Variants in FEZ1 observed in about 807,000 individuals in gnomAD.
FEZ1 encodes the protein fasciculation and elongation protein zeta 1.
A neutral mutation model predicts 49.3 loss-of-function variants in FEZ1; 20 were observed. The observed-to-expected ratio is 0.41, with a 90% CI of 0.29 to 0.59. The LOEUF is 0.59. Among genes scored for constraint, FEZ1 ranks in the 20% least tolerant of loss-of-function variants. The pLI is 0.36. For synonymous variants in FEZ1, 170 were observed against 180.9 expected, an observed-to-expected ratio of 0.94 and a Z score of 0.48; for missense variants, 413 against 476.0, an observed-to-expected ratio of 0.87 and a Z score of 1.23.
In FEZ1 at chr11:125,448,500, A is replaced by G. The variant is rs1956918005; in HGVS notation, c.1162+2T>C. On this transcript the variant is annotated splice_donor_variant, in intron 9 of 9. Transcript: ENST00000278919. LOFTEE classifies it high-confidence loss of function. ...CTCCAGGAGGCCTGGGGCTGCTCTTACCTTTTAAAATGTAGTCCGTTAGCA... is the reference window on the plus strand; with the variant it reads ...CTCCAGGAGGCCTGGGGCTGCTCTTGCCTTTTAAAATGTAGTCCGTTAGCA... 6.2e-7 allele frequency: 1 copy of G among 1,605,016 alleles called. No homozygotes were observed. The highest frequency in any genetic ancestry group is 8.5e-7 in the Non-Finnish European group (1 of 1,171,748).
chr11:125,480,545 T>A (rs1313592974), intron 3 of FEZ1, among the ~76,000 whole-genome samples: 1 of 152,218 alleles, frequency 6.6e-6, no homozygotes, highest in African/African-American at 2.4e-5. Context: ...CTAATTTTTT[T>A]AAACCATCAT....
intron 8 of FEZ1, among the ~76,000 whole-genome samples, chr11:125,450,937 C>T (rs1956949006): frequency 6.6e-6 from 1 of 152,036 alleles, no homozygotes; most frequent in East Asian, 1.9e-4. Flanking sequence ...TGGATATACT[C>T]TAGCTATAAT....
intron 5 of FEZ1, among the ~76,000 whole-genome samples, chr11:125,459,398 C>G (rs1957051370): frequency 6.6e-6 from 1 of 151,948 alleles, no homozygotes; most frequent in Non-Finnish European, 1.5e-5. Context: ...TTGAGAACAG[C>G]CTGGCCAACG....
At chr11:125,458,103 ACT>A (rs1343960182) in intron 5 of FEZ1, among the ~76,000 whole-genome samples, 2 of 152,044 alleles carry the variant, frequency 1.3e-5, no homozygotes, top group Non-Finnish European at 2.9e-5. Context: ...CACCGAGCAG[ACT>A]CTCTGCCGGC....
chr11:125,493,137 G>T (rs1478437282), intron 1 of FEZ1, among the ~76,000 whole-genome samples: 1 of 150,236 alleles, frequency 6.7e-6, no homozygotes, highest in Non-Finnish European at 1.5e-5. Context: ...GACCAGCCTG[G>T]CCAACATGGC....
intron 3 of FEZ1, among the ~76,000 whole-genome samples, chr11:125,469,970 C>T (rs1196483509): frequency 6.6e-6 from 1 of 152,056 alleles, no homozygotes; most frequent in Non-Finnish European, 1.5e-5. Context: ...CTGCCTTGTC[C>T]TCCCAAAGTG....
chr11:125,457,492 G>GTATA (rs745548707), intron 5 of FEZ1, among the ~76,000 whole-genome samples: 3 of 28,442 alleles, frequency 1.1e-4, no homozygotes, highest in Non-Finnish European at 2.4e-4. Flanking sequence ...ACATATATGT[G>GTATA]TATATATGTA....
At chr11:125,480,028 C>T (rs12279556) in intron 3 of FEZ1, among the ~76,000 whole-genome samples, 1,766 of 152,252 alleles carry the variant, frequency 0.012, 32 homozygotes, top group African/African-American at 0.031. Flanking sequence ...GAGTCAGTAA[C>T]TCATGGAGTG....
intron 6 of FEZ1, 124 bp from the exon 7 acceptor site, chr11:125,454,334 T>A: frequency 1.6e-6 from 1 of 611,276 alleles, no homozygotes; most frequent in Non-Finnish European, 2.9e-6. Context: ...AGACAGTAAG[T>A]GTAAGACACT....
chr11:125,470,082 C>A (rs1239034200), intron 3 of FEZ1, among the ~76,000 whole-genome samples: 1 of 152,080 alleles, frequency 6.6e-6, no homozygotes, highest in Non-Finnish European at 1.5e-5. Context: ...TAGCCCCCAA[C>A]ATGAAAGATG....
chr11:125,465,044 A>G (rs1231345168), intron 3 of FEZ1, among the ~76,000 whole-genome samples: 3 of 152,244 alleles, frequency 2.0e-5, no homozygotes, highest in African/African-American at 4.8e-5. Flanking sequence ...GAGAACGAAG[A>G]TACATTTTTT....
In FEZ1 at chr11:125,445,378, G is replaced by C. The variant is rs1435354933; in HGVS notation, c.*717C>G. Among the ~76,000 whole-genome samples the C allele has an allele frequency of 6.6e-6, 1 of 152,210 alleles. No individual in the cohort carries two copies. The highest frequency in any genetic ancestry group is 1.5e-5 in the Non-Finnish European group (1 of 68,024). On this transcript the variant is annotated 3_prime_UTR_variant, in exon 10 of 10. Transcript: ENST00000278919. The surrounding 1 kb of genome is among the most constrained non-coding windows in gnomAD (Gnocchi z 4.4). Reference sequence around the variant, plus strand: ...GGGGAGGGTCTCCAGGGCCAGCCTGGCCATCCCACCAGGAGATCTGCAGCT... The same window carrying C: ...GGGGAGGGTCTCCAGGGCCAGCCTGCCCATCCCACCAGGAGATCTGCAGCT...
chr11:125,456,051 A>T lies in FEZ1; in HGVS notation c.723T>A (p.Gly241=), dbSNP rs765963989. Residue 241 remains glycine, a synonymous_variant, in exon 6 of 10, where the codon GGT becomes GGA. Transcript: ENST00000278919. The part of the protein sequence containing the change: ...ELTELLDQVE[G]AIRDFSEELV... ...GCTCCTCCGAGAAGTCACGGATGGC[A>T]CCCTCCACCTGGTCCAGCAGCTCGG... 3 of 1,610,292 alleles carry T rather than the reference A, an allele frequency of 1.9e-6. No individual in the cohort carries two copies. Among genetic ancestry groups the T allele is most frequent in the Non-Finnish European group, 8.5e-7 (1 of 1,179,040 alleles).
chr11:125,444,277 G>A lies in FEZ1; in HGVS notation c.*1818C>T, dbSNP rs1956877647. 6.6e-6 allele frequency among the ~76,000 whole-genome samples: 1 copy of A among 152,286 alleles called. No individual in the cohort carries two copies. Among genetic ancestry groups the A allele is most frequent in the African/African-American group, 2.4e-5 (1 of 41,554 alleles). On this transcript the variant is annotated 3_prime_UTR_variant, in exon 10 of 10. Transcript: ENST00000278919. ...GCCACCCCTAGCTAAGATTGCTAGT[G>A]TTCTGCTTCTGGAAAAGCAGAAGCC...
rs540681012 is a variant in FEZ1, at chr11:125,454,387, G to A, written c.940-177C>T. 8.6e-6 allele frequency: 4 copies of A among 466,368 alleles called. No individual in the cohort carries two copies. The East Asian group carries it at 1.4e-4, about 16-fold the overall frequency. 28.9% of individuals were successfully genotyped at this position (466,368 alleles called of 1,614,324 possible). A position where few individuals can be genotyped will look rare whatever the true frequency, so the allele number is the denominator to read the frequency against. On this transcript the variant is annotated intron_variant, in intron 6 of 9. Transcript: ENST00000278919. The stretch of plus-strand genomic sequence containing the variant: ...CAGAATTGAAGCCTGAGCTTTGCAA[G>A]AATAAACAGAGTCTCAAGAACTCTT...
In FEZ1 at chr11:125,446,088, G is replaced by C; in HGVS notation, c.*7C>G. 1 of 1,613,972 alleles carries C rather than the reference G, an allele frequency of 6.2e-7. No homozygotes were observed. The highest frequency in any genetic ancestry group is 8.5e-7 in the Non-Finnish European group (1 of 1,179,878). ...CTCCTGCAGCGAGGCTGCTCCAAAG[G>C]GCAAGGTTAGGTAGGGCAGAGCACT... is the stretch of plus-strand genomic sequence containing the variant. On this transcript the variant is annotated 3_prime_UTR_variant, in exon 10 of 10. Transcript: ENST00000278919.
Position 125,454,227 on chromosome 11 carries a change from C to G in FEZ1, c.940-17G>C. 1 of 1,606,474 alleles carries G rather than the reference C, an allele frequency of 6.2e-7. No individual in the cohort carries two copies. The highest frequency in any genetic ancestry group is 8.5e-7 in the Non-Finnish European group (1 of 1,174,212). Reference sequence around the variant, plus strand: ...GCTGAAGCGCTGTGGGGGAGAGAGACTCAAGAAGGGCAAATGCTTCTTGCT... The same window carrying G: ...GCTGAAGCGCTGTGGGGGAGAGAGAGTCAAGAAGGGCAAATGCTTCTTGCT... On this transcript the variant is annotated splice_polypyrimidine_tract_variant and intron_variant, in intron 6 of 9. Coordinates refer to ENST00000278919, the MANE Select transcript of FEZ1 (RefSeq NM_005103.5).
chr11:125,473,187 GAC>G (rs941484175), intron 3 of FEZ1, among the ~76,000 whole-genome samples: 1 of 152,020 alleles, frequency 6.6e-6, no homozygotes, highest in Non-Finnish European at 1.5e-5. Flanking sequence ...GATAAAAAAA[GAC>G]ACACACATAT....
chr11:125,447,401 A>G lies in FEZ1; in HGVS notation c.1162+1101T>C, dbSNP rs370459348. On this transcript the variant is annotated intron_variant, in intron 9 of 9. Coordinates refer to ENST00000278919, the MANE Select transcript of FEZ1 (RefSeq NM_005103.5). The stretch of plus-strand genomic sequence containing the variant: ...AGAAAAGGGGAACCTATATACATCA[A>G]AGAGATGTAAGAGACATATTATTAT... Among the ~76,000 whole-genome samples, 61 of 152,342 alleles carry G rather than the reference A, an allele frequency of 4.0e-4. No individual in the cohort carries two copies. The South Asian group carries it at 7.2e-3, about 18-fold the overall frequency.
Sources: allele counts gnomAD v4.1 joint callset (sites outside exome capture counted in the v4.1 genomes callset), GRCh38; gene constraint gnomAD v4.1.1; non-coding constraint Gnocchi (gnomAD v3.1); transcripts MANE v1.5; gene names NCBI Gene and HGNC (gene_info 2026-07-23, HGNC 2026-07-21).